The following SCN9A variants were observed in gnomAD, a reference collection of about 807,000 sequenced individuals.
SCN9A encodes the protein sodium channel protein type 9 subunit alpha.
SCN9A carries 131 observed loss-of-function variants against 187.0 expected under a neutral mutation model. The ratio of observed to expected loss-of-function variants is 0.70; its 90% CI spans 0.61 to 0.81. SCN9A has a LOEUF of 0.81. Ranked by LOEUF, SCN9A falls within the 30% of genes least tolerant of loss-of-function variation. SCN9A has a pLI of 0.00. For missense variants in SCN9A, 2,252 were observed against 2,396.6 expected (o/e 0.94, Z 1.26); for synonymous variants, 809 against 808.6 (o/e 1.00, Z -0.01).
intron 4 of SCN9A, 70 bp downstream of exon 4, chr2:166,306,440 C>T: frequency 1.1e-6 from 1 of 888,782 alleles, no homozygotes. Flanking sequence ...GCAGTAACTT[C>T]CTGGCAGGAA....
At chr2:166,327,948 A>G (rs988498802) in intron 1 of SCN9A, among the ~76,000 whole-genome samples, 9 of 152,176 alleles carry the variant, frequency 5.9e-5, no homozygotes, top group Non-Finnish European at 1.0e-4. Context: ...CTGTGTCACA[A>G]TTTAACTATT....
intron 9 of SCN9A, among the ~76,000 whole-genome samples, chr2:166,290,102 T>C (rs1426529508): frequency 6.6e-6 from 1 of 151,916 alleles, no homozygotes; most frequent in Non-Finnish European, 1.5e-5. Context: ...GTGTGTGTTG[T>C]TCCCCTCCCT....
At chr2:166,271,965 T>C (rs1214536975) in intron 17 of SCN9A, among the ~76,000 whole-genome samples, 1 of 151,722 alleles carries the variant, frequency 6.6e-6, no homozygotes. Context: ...GCGAAAATAA[T>C]CAAATAAGTA....
rs545617350 is a variant in SCN9A at position 166,322,771 on chromosome 2, T to G, written c.-50-10965A>C. 2.0e-5 allele frequency among the ~76,000 whole-genome samples: 3 copies of G among 152,274 alleles called. No homozygotes were observed. The South Asian group carries it at 6.2e-4, about 32-fold the overall frequency. On this transcript the variant is annotated intron_variant, in intron 1 of 26. Coordinates refer to ENST00000642356, the MANE Select transcript of SCN9A (RefSeq NM_001365536.1). Reference sequence around the variant, plus strand: ...GAGCATGTAATATTAAACAGAGATTTAGTTTAGAGTAGTGAGTCTAGGACA... The same window carrying G: ...GAGCATGTAATATTAAACAGAGATTGAGTTTAGAGTAGTGAGTCTAGGACA...
At chr2:166,335,646 G>T (rs1206146845) in intron 1 of SCN9A, among the ~76,000 whole-genome samples, 1 of 152,110 alleles carries the variant, frequency 6.6e-6, no homozygotes, top group Non-Finnish European at 1.5e-5. Flanking sequence ...ACTTTCAAAA[G>T]CTTGGACTGG....
chr2:166,296,261 CCA>C (rs1188234916), intron 7 of SCN9A: 2 of 152,294 alleles, frequency 1.3e-5, no homozygotes, highest in African/African-American at 4.8e-5. Context: ...ATACTGTGAT[CCA>C]CACATTCTGT....
intron 1 of SCN9A, among the ~76,000 whole-genome samples, chr2:166,361,690 G>A (rs913005244): frequency 2.0e-5 from 3 of 152,098 alleles, no homozygotes; most frequent in African/African-American, 7.2e-5. Context: ...TGTGGCAAGT[G>A]CATAAAAGTT....
chr2:166,328,858 A>T (rs1699428999), intron 1 of SCN9A, among the ~76,000 whole-genome samples: 1 of 152,120 alleles, frequency 6.6e-6, no homozygotes, highest in South Asian at 2.1e-4. Context: ...TGTATATGAA[A>T]ACTGATTTTC....
intron 17 of SCN9A, among the ~76,000 whole-genome samples, chr2:166,262,238 C>T (rs1022873818): frequency 6.6e-6 from 1 of 151,542 alleles, no homozygotes; most frequent in Non-Finnish European, 1.5e-5. Flanking sequence ...TTAATATATG[C>T]AAAAATAAAT....
intron 7 of SCN9A, chr2:166,296,168 T>A (rs1241145856): frequency 6.6e-6 from 1 of 152,244 alleles, no homozygotes; most frequent in Non-Finnish European, 1.5e-5. Context: ...CCTTAGCTGC[T>A]GCATCTGTAA....
chr2:166,270,349 T>G (rs1196545573), intron 17 of SCN9A, among the ~76,000 whole-genome samples: 1 of 152,026 alleles, frequency 6.6e-6, no homozygotes. Context: ...AGGATGTGTG[T>G]AGGTTTTATG....
intron 17 of SCN9A, among the ~76,000 whole-genome samples, chr2:166,258,155 C>G (rs1696357224): frequency 6.6e-6 from 1 of 151,392 alleles, no homozygotes; most frequent in Non-Finnish European, 1.5e-5. Context: ...GCAGAGATTC[C>G]TGCCCCCATC....
intron 24 of SCN9A, among the ~76,000 whole-genome samples, chr2:166,219,138 C>G (rs978451617): frequency 6.6e-6 from 1 of 152,116 alleles, no homozygotes; most frequent in Non-Finnish European, 1.5e-5. Flanking sequence ...ATTAATTCAA[C>G]CATAATGGAA....
At chr2:166,372,203 G>A (rs1461697213) in intron 1 of SCN9A, among the ~76,000 whole-genome samples, 2 of 151,894 alleles carry the variant, frequency 1.3e-5, no homozygotes, top group Non-Finnish European at 1.5e-5. Context: ...AACAGTGATG[G>A]GTCTTCATGG....
At chr2:166,225,661 T>C (rs1048205077) in intron 24 of SCN9A, among the ~76,000 whole-genome samples, 1 of 152,198 alleles carries the variant, frequency 6.6e-6, no homozygotes, top group Admixed American at 6.5e-5. Context: ...GAATGTGACC[T>C]TATTTGAAAA....
rs1205527207 is a variant in SCN9A, at chr2:166,306,556, T to G, written c.421A>C (p.Ile141Leu). 1 of 1,584,288 alleles carries G rather than the reference T, an allele frequency of 6.3e-7. No individual in the cohort carries two copies. The highest frequency in any genetic ancestry group is 1.3e-5 in the African/African-American group (1 of 74,640). ...GGTGGGTTATTCATGGTCATAAATA[T>G]GCAGTTTGTCAGAATAGTGCACATG... ...LIMCTILTNC[I>L]FMTMNNPPDW... Residue 141 changes from isoleucine to leucine, a missense_variant, in exon 4 of 27, where the codon ATA (isoleucine) becomes CTA (leucine). Physicochemically the swap from Ile to Leu is conservative, Grantham distance 5 (BLOSUM62 2). Around this residue, in one of 7 missense-constraint regions of SCN9A, gnomAD observed 1,013 missense variants for 997.4 expected, o/e 1.02. Transcript: ENST00000642356.
intron 1 of SCN9A, among the ~76,000 whole-genome samples, chr2:166,356,865 CCA>C (rs1700162268): frequency 6.6e-6 from 1 of 152,098 alleles, no homozygotes; most frequent in Non-Finnish European, 1.5e-5. Flanking sequence ...TTAGTCATTC[CCA>C]CACTGTAGAA....
intron 19 of SCN9A, among the ~76,000 whole-genome samples, chr2:166,240,533 A>C (rs1383350812): frequency 6.6e-6 from 1 of 152,160 alleles, no homozygotes; most frequent in East Asian, 1.9e-4. Context: ...ATTTTTTTGT[A>C]ATCTCCTCTC....
intron 16 of SCN9A, among the ~76,000 whole-genome samples, chr2:166,274,091 G>T (rs1341313615): frequency 6.6e-6 from 1 of 152,118 alleles, no homozygotes; most frequent in East Asian, 1.9e-4. Flanking sequence ...AGGAATATTG[G>T]TGAAGATCTG....
Sources: allele counts gnomAD v4.1 joint callset (sites outside exome capture counted in the v4.1 genomes callset), GRCh38; gene constraint gnomAD v4.1.1; regional missense constraint gnomAD v4.1.1; transcripts MANE v1.5; gene names NCBI Gene and HGNC (gene_info 2026-07-23, HGNC 2026-07-21).